The following NAT1 variants were observed in gnomAD, a reference collection of about 807,000 sequenced individuals.
NAT1 encodes arylamine N-acetyltransferase 1.
For missense variants in NAT1, 400 were observed against 339.2 expected, an observed-to-expected ratio of 1.18 and a Z score of -1.41; for synonymous variants, 144 against 122.6, an observed-to-expected ratio of 1.17 and a Z score of -1.16.
In NAT1 at chr8:18,222,278, G is replaced by A. The variant is rs766818967; in HGVS notation, c.231G>A (p.Trp77Ter). 26 of 1,613,914 alleles carry A rather than the reference G, an allele frequency of 1.6e-5. No homozygotes were observed. The highest frequency in any genetic ancestry group is 2.2e-5 in the Non-Finnish European group (26 of 1,180,008). ...TCCAGGTCAATCATCTTCTGTACTGGGCTCTGACCACTATTGGTTTTGAGA... is the reference window on the plus strand; with the variant it reads ...TCCAGGTCAATCATCTTCTGTACTGAGCTCTGACCACTATTGGTTTTGAGA... ...WCLQVNHLLY[W>*]ALTTIGFETT... is the part of the protein sequence containing the mutation. The change falls in exon 3 of 3, where the codon TGG becomes TGA. Residue 77 changes from tryptophan (W) to a stop codon, truncating the protein, a stop_gained. Transcript: ENST00000307719. LOFTEE classifies it low-confidence loss of function (END_TRUNC).
intron 2 of NAT1, among the ~76,000 whole-genome samples, chr8:18,172,931 C>T (rs952044895): frequency 1.1e-4 from 16 of 152,106 alleles, no homozygotes; most frequent in African/African-American, 3.9e-4. Flanking sequence ...TGCCTCTGAG[C>T]AGTGCCCCTG....
At chr8:18,177,177 C>G (rs555614247) in intron 2 of NAT1, among the ~76,000 whole-genome samples, 1 of 152,146 alleles carries the variant, frequency 6.6e-6, no homozygotes, top group Admixed American at 6.6e-5. Flanking sequence ...CCTTCCTCAT[C>G]TGTCTCTTCC....
intron 2 of NAT1, among the ~76,000 whole-genome samples, chr8:18,194,363 A>G: frequency 6.6e-6 from 1 of 152,182 alleles, no homozygotes; most frequent in African/African-American, 2.4e-5. Flanking sequence ...ATCTCTGCCT[A>G]TGATGACAAT....
chr8:18,201,281 C>T (rs1260405348), intron 2 of NAT1: 1 of 152,174 alleles, frequency 6.6e-6, no homozygotes, highest in Non-Finnish European at 1.5e-5. Flanking sequence ...CAATTCAACT[C>T]ATTCTAGTCC....
At chr8:18,174,571 GACCTTCAACTTA>G (rs1303698618) in intron 2 of NAT1, among the ~76,000 whole-genome samples, 4 of 152,056 alleles carry the variant, frequency 2.6e-5, no homozygotes, top group Non-Finnish European at 5.9e-5. Context: ...CATCATAATG[GACCTTCAACTTA>G]ACAAATAATT....
In NAT1 at chr8:18,222,709, C is replaced by G; in HGVS notation, c.662C>G (p.Ser221Ter). 6.2e-7 allele frequency: 1 copy of G among 1,614,028 alleles called. No homozygotes were observed. The change falls in exon 3 of 3, where the codon TCA (serine) becomes TGA (stop). Residue 221 changes from serine to a stop codon, truncating the protein, a stop_gained. Transcript: ENST00000307719. LOFTEE classifies it low-confidence loss of function (END_TRUNC). ...TSPSSVFTSK[S>*]FCSLQTPDGV... ...CCATCATCTGTGTTTACTAGTAAAT[C>G]ATTTTGTTCCTTGCAGACCCCAGAT... is the stretch of plus-strand genomic sequence containing the variant.
chr8:18,189,012 AG>A (rs1350238258), intron 2 of NAT1, among the ~76,000 whole-genome samples: 23 of 141,008 alleles, frequency 1.6e-4, no homozygotes, highest in Admixed American at 3.6e-4. Context: ...AAAAAAAAAA[AG>A]AAAGAAAGAA....
chr8:18,198,550 G>A (rs994335998), intron 2 of NAT1, among the ~76,000 whole-genome samples: 30 of 152,208 alleles, frequency 2.0e-4, no homozygotes, highest in Admixed American at 1.9e-3. Flanking sequence ...AACTGAAATC[G>A]AACTTGTGTC....
chr8:18,184,858 G>A (rs1026919234), intron 2 of NAT1, among the ~76,000 whole-genome samples: 13 of 152,114 alleles, frequency 8.5e-5, no homozygotes, highest in South Asian at 2.1e-4. Flanking sequence ...CAGTTTTTGC[G>A]TGCACTCATT....
chr8:18,180,619 T>TA (rs1802476081), intron 2 of NAT1, among the ~76,000 whole-genome samples: 1 of 152,174 alleles, frequency 6.6e-6, no homozygotes, highest in African/African-American at 2.4e-5. Context: ...TATATTAAGA[T>TA]ATGATATAGT....
At chr8:18,192,468 G>A (rs1803035112) in intron 2 of NAT1, among the ~76,000 whole-genome samples, 1 of 152,178 alleles carries the variant, frequency 6.6e-6, no homozygotes, top group African/African-American at 2.4e-5. Flanking sequence ...AATACCATGT[G>A]ACCCAGCCAT....
chr8:18,170,601 G>A (rs1186996988), intron 1 of NAT1: 1 of 152,138 alleles, frequency 6.6e-6, no homozygotes, highest in East Asian at 1.9e-4. Context: ...AGTGTAGAGG[G>A]CTGCTTGGTT....
intron 2 of NAT1, among the ~76,000 whole-genome samples, chr8:18,174,531 AAC>A (rs1416024867): frequency 1.3e-5 from 2 of 152,100 alleles, no homozygotes; most frequent in African/African-American, 4.8e-5. Flanking sequence ...TCCCATTAAA[AAC>A]ACATACAGAA....
chr8:18,221,341 T>A (rs1429770737), intron 2 of NAT1, among the ~76,000 whole-genome samples: 1 of 151,326 alleles, frequency 6.6e-6, no homozygotes, highest in Non-Finnish European at 1.5e-5. Flanking sequence ...CCAACTAATT[T>A]AAAATTGGAG....
chr8:18,213,901 C>A (rs956252087), intron 1 of NAT1, among the ~76,000 whole-genome samples: 1 of 151,798 alleles, frequency 6.6e-6, no homozygotes, highest in African/African-American at 2.4e-5. Flanking sequence ...GCAAGCTCCG[C>A]TTCCTGGGTT....
intron 2 of NAT1, among the ~76,000 whole-genome samples, chr8:18,204,291 C>T (rs188343132): frequency 2.2e-4 from 34 of 152,274 alleles, no homozygotes; most frequent in South Asian, 8.3e-4. Context: ...ACACAACGAA[C>T]GCCAGGGTAT....
rs1191018691 is a variant in NAT1, at chr8:18,216,892, C to T, written c.-85-2519C>T. 8 of 1,549,270 alleles carry T rather than the reference C, an allele frequency of 5.2e-6. No homozygotes were observed. In the East Asian group the frequency reaches 1.7e-4, roughly 33 times the overall value. On this transcript the variant is annotated intron_variant, in intron 1 of 2. Coordinates refer to ENST00000307719, the MANE Select transcript of NAT1 (RefSeq NM_000662.8). ...TCTTCAACAGACGTGTACAGAAGGGCCATGCTGTTATTACTCTTACACAAG... is the reference window on the plus strand; with the variant it reads ...TCTTCAACAGACGTGTACAGAAGGGTCATGCTGTTATTACTCTTACACAAG...
Position 18,222,350 on chromosome 8 carries a change from C to T in NAT1, c.303C>T (p.Tyr101=). ...GYVYSTPAKK[Y]STGMIHLLLQ... is the part of the protein sequence containing the mutation. The stretch of plus-strand genomic sequence containing the variant: ...TTTACAGCACTCCAGCCAAAAAATA[C>T]AGCACTGGCATGATTCACCTTCTCC... The change falls in exon 3 of 3, where the codon TAC becomes TAT. Residue 101 remains tyrosine (Y), a synonymous_variant. Coordinates refer to ENST00000307719, the MANE Select transcript of NAT1 (RefSeq NM_000662.8). The T allele has an allele frequency of 6.2e-7, 1 of 1,614,102 alleles. No individual in the cohort carries two copies. Among genetic ancestry groups the T allele is most frequent in the Non-Finnish European group, 8.5e-7 (1 of 1,180,000 alleles).
intron 2 of NAT1, among the ~76,000 whole-genome samples, chr8:18,175,586 T>C (rs150344578): frequency 4.6e-5 from 7 of 152,272 alleles, no homozygotes; most frequent in Admixed American, 1.3e-4. Flanking sequence ...TTGTGTAATA[T>C]AGTATGTTTT....
Sources: gnomAD v4.1 joint callset for allele counts (sites outside exome capture counted in the v4.1 genomes callset) on GRCh38, gnomAD v4.1.1 for gene constraint, MANE v1.5 for transcripts, NCBI Gene and HGNC (gene_info 2026-07-23, HGNC 2026-07-21) for gene names.